The following GPR158 variants were observed in gnomAD, a reference collection of about 807,000 sequenced individuals.
The protein encoded by GPR158 is metabotropic glycine receptor.
Under a neutral mutation model 78.2 loss-of-function variants are expected in GPR158, and 30 were observed. The observed-to-expected ratio is 0.38, with a 90% CI of 0.29 to 0.52. GPR158 has a LOEUF of 0.52. GPR158 is among the 20% of genes least tolerant of loss of function. The probability of loss-of-function intolerance (pLI) is 0.83; values close to 1 mark genes in which losing one functional copy is unlikely to be tolerated. For synonymous variants in GPR158, 581 were observed against 591.1 expected (o/e 0.98, Z 0.25); for missense variants, 1,463 against 1,523.5 (o/e 0.96, Z 0.66).
chr10:25,367,004 T>C (rs190503679), intron 2 of GPR158, among the ~76,000 whole-genome samples: 1,722 of 151,850 alleles, frequency 0.011, 8 homozygotes, highest in Non-Finnish European at 0.016. Flanking sequence ...TAGCTTGACA[T>C]TTTACTTTAT....
At chr10:25,347,601 G>A (rs1188778066) in intron 2 of GPR158, among the ~76,000 whole-genome samples, 1 of 151,962 alleles carries the variant, frequency 6.6e-6, no homozygotes, top group African/African-American at 2.4e-5. Context: ...AATACTTGGT[G>A]TGTATTTTTT....
chr10:25,331,137 A>C (rs1475976473), intron 2 of GPR158, among the ~76,000 whole-genome samples: 1 of 152,022 alleles, frequency 6.6e-6, no homozygotes, highest in Non-Finnish European at 1.5e-5. Context: ...ACAGAGTCTC[A>C]CTATGTTGCC....
At chr10:25,382,208 G>A (rs1834164520) in intron 2 of GPR158, among the ~76,000 whole-genome samples, 1 of 152,128 alleles carries the variant, frequency 6.6e-6, no homozygotes, top group Non-Finnish European at 1.5e-5. Context: ...CTGTAGGAAG[G>A]CCTAGAAAAT....
chr10:25,275,377 G>A (rs1271339570), intron 2 of GPR158, among the ~76,000 whole-genome samples: 3 of 152,150 alleles, frequency 2.0e-5, no homozygotes, highest in Non-Finnish European at 4.4e-5. Flanking sequence ...GGTTTATTAA[G>A]TAGTAATCCT....
chr10:25,190,201 A>C (rs1177707786), intron 1 of GPR158, among the ~76,000 whole-genome samples: 4 of 152,268 alleles, frequency 2.6e-5, no homozygotes, highest in South Asian at 2.1e-4. Context: ...AGTACCTTAC[A>C]ATGTATTTTT....
chr10:25,178,769 A>G (rs1852575136), intron 1 of GPR158, among the ~76,000 whole-genome samples: 1 of 152,206 alleles, frequency 6.6e-6, no homozygotes, highest in Admixed American at 6.5e-5. Context: ...TAGAAACCAG[A>G]AGAAAATCTT....
intron 6 of GPR158, among the ~76,000 whole-genome samples, chr10:25,552,815 G>A (rs1184154224): frequency 1.3e-5 from 2 of 152,184 alleles, no homozygotes; most frequent in Non-Finnish European, 2.9e-5. Context: ...TGGTCTGCGA[G>A]AGTATGTTTA....
At chr10:25,254,715 G>A (rs1307278710) in intron 2 of GPR158, among the ~76,000 whole-genome samples, 2 of 152,078 alleles carry the variant, frequency 1.3e-5, no homozygotes, top group African/African-American at 4.8e-5. Context: ...TGTTATTTTT[G>A]TTAGAAAACA....
At chr10:25,570,910 A>T (rs1032167216) in intron 6 of GPR158, among the ~76,000 whole-genome samples, 1 of 151,930 alleles carries the variant, frequency 6.6e-6, no homozygotes, top group South Asian at 2.1e-4. Flanking sequence ...ACAAAGTGAG[A>T]CTCCATCTTA....
At chr10:25,563,589 G>T (rs137916749) in intron 6 of GPR158, among the ~76,000 whole-genome samples, 4 of 151,862 alleles carry the variant, frequency 2.6e-5, no homozygotes, top group African/African-American at 9.7e-5. Flanking sequence ...TTTACTACAC[G>T]GTTTGGTTAT....
At chr10:25,386,523 T>C (rs1307358640) in intron 2 of GPR158, among the ~76,000 whole-genome samples, 1 of 152,202 alleles carries the variant, frequency 6.6e-6, no homozygotes, top group Non-Finnish European at 1.5e-5. Flanking sequence ...TTGCTTTGCT[T>C]TGAATAGTAT....
At chr10:25,300,849 G>T (rs1854581771) in intron 2 of GPR158, among the ~76,000 whole-genome samples, 1 of 151,976 alleles carries the variant, frequency 6.6e-6, no homozygotes, top group African/African-American at 2.4e-5. Flanking sequence ...GAAAGAGAGG[G>T]AGAGAGAAAC....
rs367764541 is a variant in GPR158, at chr10:25,599,389, G to A, written c.*115G>A. 3 of 807,488 alleles carry A rather than the reference G, an allele frequency of 3.7e-6. No homozygotes were observed. The highest frequency in any genetic ancestry group is 5.8e-6 in the Non-Finnish European group (3 of 517,174). 50.0% of individuals were successfully genotyped at this position (807,488 alleles called of 1,614,324 possible). A position where few individuals can be genotyped will look rare whatever the true frequency, so the allele number is the denominator to read the frequency against. ...TCAATCAAGGAAAACATGACAGATG[G>A]TGAGGTAAAGTCAAAGGCATGGGTA... On this transcript the variant is annotated 3_prime_UTR_variant, in exon 11 of 11. Transcript: ENST00000376351.
chr10:25,444,594 G>A (rs147068578), intron 4 of GPR158, among the ~76,000 whole-genome samples: 145 of 150,806 alleles, frequency 9.6e-4, no homozygotes, highest in African/African-American at 3.2e-3. Context: ...GGGAGTGTGC[G>A]GGTATGTGTG....
intron 5 of GPR158, among the ~76,000 whole-genome samples, chr10:25,538,418 G>T (rs1268905636): frequency 2.0e-5 from 3 of 152,118 alleles, no homozygotes; most frequent in African/African-American, 4.8e-5. Flanking sequence ...ATAAACAGGG[G>T]ACAAGTGTGC....
intron 2 of GPR158, among the ~76,000 whole-genome samples, chr10:25,353,413 A>G (rs146154705): frequency 1.1e-3 from 164 of 152,124 alleles, no homozygotes; most frequent in African/African-American, 3.6e-3. Flanking sequence ...ATTTTTTTAC[A>G]TAATAAAAAT....
chr10:25,575,214 TGTTAATAATACTGTATGGTTAA>T (rs1391744788), intron 7 of GPR158, among the ~76,000 whole-genome samples: 1 of 152,220 alleles, frequency 6.6e-6, no homozygotes, highest in Non-Finnish European at 1.5e-5. Flanking sequence ...TTAAGTATAC[TGTTAATAATACTGTATGGTTAA>T]GTTTATTGAA....
At chr10:25,218,114 T>G (rs1364759247) in intron 1 of GPR158, among the ~76,000 whole-genome samples, 7 of 151,458 alleles carry the variant, frequency 4.6e-5, no homozygotes, top group Non-Finnish European at 1.0e-4. Context: ...AAAGAGAGGG[T>G]TTTCTTTCTG....
chr10:25,371,027 C>G (rs909154244), intron 2 of GPR158, among the ~76,000 whole-genome samples: 43 of 146,326 alleles, frequency 2.9e-4, no homozygotes, highest in African/African-American at 3.3e-4. Context: ...CTTGGTAGAT[C>G]TTCCTCCATC....
Sources: allele counts gnomAD v4.1 joint callset (sites outside exome capture counted in the v4.1 genomes callset), GRCh38; gene constraint gnomAD v4.1.1; transcripts MANE v1.5; gene names NCBI Gene and HGNC (gene_info 2026-07-23, HGNC 2026-07-21).